MAML3: variants seen among roughly 807,000 people sequenced by gnomAD.
The protein encoded by MAML3 is mastermind like transcriptional coactivator 3.
A neutral mutation model predicts 101.9 loss-of-function variants in MAML3; 27 were observed. The observed-to-expected ratio is 0.27, with a 90% CI of 0.20 to 0.37. The LOEUF is 0.37. Ranked by LOEUF, MAML3 falls within the 10% of genes least tolerant of loss-of-function variation. The probability of loss-of-function intolerance (pLI) is 1.00; values close to 1 mark genes in which losing one functional copy is unlikely to be tolerated. For synonymous variants in MAML3, 501 were observed against 555.9 expected (o/e 0.90, Z 1.39); for missense variants, 1,316 against 1,444.9 (o/e 0.91, Z 1.45).
intron 1 of MAML3, among the ~76,000 whole-genome samples, chr4:140,145,878 C>CTTT (rs10625860): frequency 1.8e-5 from 2 of 108,496 alleles, no homozygotes; most frequent in Admixed American, 1.2e-4. Flanking sequence ...TTTCTTTTTT[C>CTTT]TTTTTTTTTT....
chr4:139,887,707 A>C (rs1715157360), intron 2 of MAML3, among the ~76,000 whole-genome samples: 1 of 152,246 alleles, frequency 6.6e-6, no homozygotes, highest in Admixed American at 6.5e-5. Context: ...CTTGAAGGAA[A>C]TACTCTACTG....
chr4:139,802,270 T>C (rs540323472), intron 2 of MAML3, among the ~76,000 whole-genome samples: 1 of 152,236 alleles, frequency 6.6e-6, no homozygotes, highest in South Asian at 2.1e-4. Flanking sequence ...TCCTGGAAGA[T>C]CATATACATC....
At chr4:139,865,502 T>TTG (rs1553961165) in intron 2 of MAML3, among the ~76,000 whole-genome samples, 5 of 151,000 alleles carry the variant, frequency 3.3e-5, no homozygotes, top group African/African-American at 7.4e-5. Context: ...TTTTGTTTTT[T>TTG]TTTTTTTTCA....
chr4:140,102,772 C>T (rs1031808732), intron 1 of MAML3, among the ~76,000 whole-genome samples: 6 of 152,172 alleles, frequency 3.9e-5, no homozygotes, highest in Non-Finnish European at 7.3e-5. Flanking sequence ...TGTGGTCCCC[C>T]TGATTACTAT....
At chr4:139,909,836 CAAAAA>C (rs11379402) in intron 1 of MAML3, among the ~76,000 whole-genome samples, 2,328 of 58,694 alleles carry the variant, frequency 0.04, 57 homozygotes, top group African/African-American at 0.14. Flanking sequence ...GATGCCGTCT[CAAAAA>C]AAAAAAAAAA....
Position 139,762,801 on chromosome 4 carries a change from C to T in MAML3, c.2080-32134G>A, listed in dbSNP as rs190988955. Among the ~76,000 whole-genome samples, 405 of 152,234 alleles carry T rather than the reference C, an allele frequency of 2.7e-3. 3 individuals are homozygous for T. Among genetic ancestry groups the T allele is most frequent in the African/African-American group, 8.9e-3 (370 of 41,540 alleles). ...AACTGTTCTCTGTAGACCTCGTTGA[C>T]CCTAACAACCATCTGACGGGGCTTT... On this transcript the variant is annotated intron_variant, in intron 2 of 4. Transcript: ENST00000509479.
intron 1 of MAML3, among the ~76,000 whole-genome samples, chr4:140,021,681 A>G (rs1726735953): frequency 6.6e-6 from 1 of 151,448 alleles, no homozygotes; most frequent in African/African-American, 2.4e-5. Context: ...CTGCATTGGG[A>G]ATCTCATTTC....
intron 1 of MAML3, among the ~76,000 whole-genome samples, chr4:140,093,079 G>A (rs1378956355): frequency 3.3e-5 from 5 of 152,124 alleles, no homozygotes; most frequent in Admixed American, 1.3e-4. Flanking sequence ...TCTTTTATGC[G>A]AGCAGATTTC....
Position 139,947,252 on chromosome 4 carries a change from A to G in MAML3, c.469-56285T>C, listed in dbSNP as rs145626142. Among the ~76,000 whole-genome samples the G allele has an allele frequency of 5.7e-4, 87 of 152,276 alleles. 1 individual carries two copies. The South Asian group carries it at 8.7e-3, about 15-fold the overall frequency. On this transcript the variant is annotated intron_variant, in intron 1 of 4. Transcript: ENST00000509479. The stretch of plus-strand genomic sequence containing the variant: ...CTTGTCCTTCCTGTAAGTCTAAATC[A>G]CTATTTAAATGGCATTTTCCTTCTT...
chr4:140,054,759 C>A (rs1463851419), intron 1 of MAML3, among the ~76,000 whole-genome samples: 3 of 152,164 alleles, frequency 2.0e-5, no homozygotes, highest in Admixed American at 1.3e-4. Context: ...CAGGCAGGGA[C>A]CACCTTAGAA....
chr4:139,985,985 T>G (rs1346412741), intron 1 of MAML3, among the ~76,000 whole-genome samples: 1 of 152,268 alleles, frequency 6.6e-6, no homozygotes, highest in Non-Finnish European at 1.5e-5. Flanking sequence ...ACTTCACTCC[T>G]GCTGGCTTCC....
chr4:140,003,503 CT>C (rs767033942), intron 1 of MAML3, among the ~76,000 whole-genome samples: 35 of 152,128 alleles, frequency 2.3e-4, no homozygotes, highest in Non-Finnish European at 5.1e-4. Flanking sequence ...GGATGATGTC[CT>C]TGAGGCCAAT....
intron 2 of MAML3, among the ~76,000 whole-genome samples, chr4:139,761,394 G>A (rs1378777306): frequency 6.6e-6 from 1 of 152,214 alleles, no homozygotes; most frequent in East Asian, 1.9e-4. Context: ...TGGAGGGGGC[G>A]TTAGGGGAAT....
chr4:139,885,678 A>C (rs2667371), intron 2 of MAML3, among the ~76,000 whole-genome samples: 117,314 of 149,742 alleles, frequency 0.78, 46,135 homozygotes, highest in South Asian at 0.83. Context: ...AATCCCAGTA[A>C]TTTGGGAGGC....
intron 1 of MAML3, among the ~76,000 whole-genome samples, chr4:139,945,554 TTC>T (rs1369652705): frequency 6.6e-6 from 1 of 152,228 alleles, no homozygotes; most frequent in Non-Finnish European, 1.5e-5. Flanking sequence ...CAACACTGTA[TTC>T]TTTCAGCTAT....
At chr4:139,814,317 C>G (rs559048270) in intron 2 of MAML3, among the ~76,000 whole-genome samples, 32 of 152,276 alleles carry the variant, frequency 2.1e-4, no homozygotes, top group African/African-American at 7.7e-4. Context: ...GATGATGCTT[C>G]CTATCATATA....
At chr4:140,121,981 C>A (rs974605927) in intron 1 of MAML3, among the ~76,000 whole-genome samples, 3 of 152,142 alleles carry the variant, frequency 2.0e-5, no homozygotes, top group Non-Finnish European at 2.9e-5. Context: ...CTTCACTCTG[C>A]ACTTCTCCTT....
At chr4:140,042,630 T>A (rs186427571) in intron 1 of MAML3, among the ~76,000 whole-genome samples, 3 of 63,724 alleles carry the variant, frequency 4.7e-5, no homozygotes, top group African/African-American at 1.1e-4. Context: ...AGAGATTCCA[T>A]CTCAAAAAAA....
chr4:139,874,776 T>C (rs750406819), intron 2 of MAML3, among the ~76,000 whole-genome samples: 8 of 151,516 alleles, frequency 5.3e-5, no homozygotes, highest in Non-Finnish European at 8.8e-5. Context: ...CATCCTAATA[T>C]CTCTATTGAT....
Sources: gnomAD v4.1 joint callset for allele counts (sites outside exome capture counted in the v4.1 genomes callset) on GRCh38, gnomAD v4.1.1 for gene constraint, MANE v1.5 for transcripts, NCBI Gene and HGNC (gene_info 2026-07-23, HGNC 2026-07-21) for gene names.